The following JAM3 variants were observed in gnomAD, a reference collection of about 807,000 sequenced individuals.
JAM3 encodes junctional adhesion molecule C.
In JAM3, 31 loss-of-function variants were observed where a neutral mutation model predicts 39.4. That is an observed-to-expected ratio of 0.79 (90% confidence interval 0.59 to 1.06). The LOEUF (loss-of-function observed/expected upper bound fraction) is 1.06. Among genes scored for constraint, JAM3 ranks in the 50% least tolerant of loss-of-function variants. The probability of loss-of-function intolerance (pLI) is 0.00; values close to 1 mark genes in which losing one functional copy is unlikely to be tolerated. For synonymous variants in JAM3, 182 were observed against 148.7 expected (o/e 1.22, Z -1.63); for missense variants, 455 against 391.4 (o/e 1.16, Z -1.37).
At chr11:134,091,840 T>G (rs1240950142) in intron 1 of JAM3, among the ~76,000 whole-genome samples, 1 of 149,874 alleles carries the variant, frequency 6.7e-6, no homozygotes, top group Non-Finnish European at 1.5e-5. Flanking sequence ...GTGTGGGTTT[T>G]TTTTTTTTTT....
chr11:134,149,024 G>A (rs1239978644), intron 8 of JAM3, 122 bp from the exon 9 acceptor site: 1 of 1,227,642 alleles, frequency 8.1e-7, no homozygotes, highest in East Asian at 2.3e-5. Context: ...GCAAGCGCTA[G>A]TGATGGTACT....
intron 1 of JAM3, among the ~76,000 whole-genome samples, chr11:134,119,483 A>G (rs1447637699): frequency 6.6e-6 from 1 of 152,312 alleles, no homozygotes; most frequent in South Asian, 2.1e-4. Context: ...TTCTCCAGAG[A>G]AACAGAACTA....
At chr11:134,118,719 C>G (rs1942482441) in intron 1 of JAM3, among the ~76,000 whole-genome samples, 1 of 152,120 alleles carries the variant, frequency 6.6e-6, no homozygotes, top group African/African-American at 2.4e-5. Context: ...GTATATAAGA[C>G]CCAGCCATTC....
intron 1 of JAM3, among the ~76,000 whole-genome samples, chr11:134,104,165 C>T (rs1011248560): frequency 1.9e-4 from 29 of 152,162 alleles, no homozygotes; most frequent in Non-Finnish European, 4.0e-4. Flanking sequence ...TTGTCTCAGA[C>T]CACAGTGCAA....
intron 1 of JAM3, among the ~76,000 whole-genome samples, chr11:134,109,110 C>A (rs948783804): frequency 6.6e-6 from 1 of 152,110 alleles, no homozygotes; most frequent in Non-Finnish European, 1.5e-5. Flanking sequence ...GCACGAGCCA[C>A]CACACCACCC....
chr11:134,102,064 A>G (rs74863305), intron 1 of JAM3, among the ~76,000 whole-genome samples: 4,450 of 152,294 alleles, frequency 0.029, 228 homozygotes, highest in African/African-American at 0.1. Flanking sequence ...TAAAAATTAT[A>G]GTAACCTATT....
At position 134,069,122 on chromosome 11, in the gene JAM3, T is replaced by G; in HGVS notation, c.39T>G (p.Ala13=). 7 of 1,612,748 alleles carry G rather than the reference T, an allele frequency of 4.3e-6. No homozygotes were observed. Among genetic ancestry groups the G allele is most frequent in the Non-Finnish European group, 5.9e-6 (7 of 1,179,406 alleles). The part of the protein sequence containing the change: ...LRRPPRLRLC[A]RLPDFFLLLL... ...GGCCACCGCGACTCCGGCTCTGCGC[T>G]CGGCTGCCTGACTTCTTCCTGCTGC... The change falls in exon 1 of 9, where the codon GCT becomes GCG. Residue 13 remains alanine, a synonymous_variant. Transcript: ENST00000299106.
At chr11:134,117,987 G>A (rs1942469145) in intron 1 of JAM3, among the ~76,000 whole-genome samples, 1 of 152,246 alleles carries the variant, frequency 6.6e-6, no homozygotes, top group East Asian at 1.9e-4. Flanking sequence ...GCATATGAGA[G>A]CACACATTCC....
intron 1 of JAM3, among the ~76,000 whole-genome samples, chr11:134,102,292 C>A (rs930503810): frequency 1.9e-4 from 29 of 152,276 alleles, no homozygotes; most frequent in African/African-American, 6.7e-4. Flanking sequence ...AACAGACTTG[C>A]AGCTGAGGGT....
chr11:134,082,011 T>A (rs929250040), intron 1 of JAM3, among the ~76,000 whole-genome samples: 3 of 152,370 alleles, frequency 2.0e-5, no homozygotes, highest in Admixed American at 2.0e-4. Context: ...TTTGACTGCC[T>A]TGTTGGATTT....
chr11:134,149,129 G>A lies in JAM3; in HGVS notation c.898-17G>A, dbSNP rs1403894736. On this transcript the variant is annotated splice_polypyrimidine_tract_variant and intron_variant, in intron 8 of 8. Coordinates refer to ENST00000299106, the MANE Select transcript of JAM3 (RefSeq NM_032801.5). ...ACCAGGCCCCTTGATGGCTCTAACT[G>A]TGTGTTGGCTTTGCAGGGCGACTTC... 1.9e-6 allele frequency: 3 copies of A among 1,613,992 alleles called. No individual in the cohort carries two copies. The highest frequency in any genetic ancestry group is 1.3e-5 in the African/African-American group (1 of 75,050).
rs912526966 is a variant in JAM3, at chr11:134,074,639, C to G, written c.76+5480C>G. Among the ~76,000 whole-genome samples, 15 of 152,256 alleles carry G rather than the reference C, an allele frequency of 9.9e-5. No individual in the cohort carries two copies. The East Asian group carries it at 2.1e-3, about 22-fold the overall frequency. On this transcript the variant is annotated intron_variant, in intron 1 of 8. Coordinates refer to ENST00000299106, the MANE Select transcript of JAM3 (RefSeq NM_032801.5). ...AGCTGCCGAGATTACCGGCCTCCCC[C>G]CTTCTTTTTGAACACACTGACAAAA...
Position 134,149,190 on chromosome 11 carries a change from G to A in JAM3, c.*9G>A, listed in dbSNP as rs1457250552. On this transcript the variant is annotated 3_prime_UTR_variant, in exon 9 of 9. Transcript: ENST00000299106. ...CATCGTTTGTGATCTGAGACCCGCG[G>A]TGTGGCTGAGAGCGCACAGAGCGCA... 3 of 1,614,014 alleles carry A rather than the reference G, an allele frequency of 1.9e-6. No homozygotes were observed. The highest frequency in any genetic ancestry group is 2.5e-6 in the Non-Finnish European group (3 of 1,179,878).
Position 134,090,225 on chromosome 11 carries a change from A to G in JAM3, c.76+21066A>G, listed in dbSNP as rs377487595. Among the ~76,000 whole-genome samples, 689 of 152,254 alleles carry G rather than the reference A, an allele frequency of 4.5e-3. 1 individual carries two copies. Among genetic ancestry groups the G allele is most frequent in the Middle Eastern group, 0.01 (3 of 294 alleles). On this transcript the variant is annotated intron_variant, in intron 1 of 8. Coordinates refer to ENST00000299106, the MANE Select transcript of JAM3 (RefSeq NM_032801.5). ...TATTAGCCCTTTGTCAGATGAGTAG[A>G]TTGCAAAAATTTTCTCCCATTCTGT...
At chr11:134,120,600 G>T (rs1039602800) in intron 1 of JAM3, among the ~76,000 whole-genome samples, 5 of 152,164 alleles carry the variant, frequency 3.3e-5, no homozygotes, top group African/African-American at 1.2e-4. Context: ...GTCTCCCAGT[G>T]CCCCAGCATT....
chr11:134,145,733 G>A (rs755035435), intron 5 of JAM3, among the ~76,000 whole-genome samples: 24 of 152,302 alleles, frequency 1.6e-4, no homozygotes, highest in Non-Finnish European at 2.4e-4. Flanking sequence ...TTCGGATGTT[G>A]CCAGGCTTTG....
intron 1 of JAM3, among the ~76,000 whole-genome samples, chr11:134,112,150 G>A (rs1942324974): frequency 6.6e-6 from 1 of 152,088 alleles, no homozygotes; most frequent in African/African-American, 2.4e-5. Flanking sequence ...GTGGTTGCAT[G>A]GCCTTGGCTC....
Position 134,149,746 on chromosome 11 carries a change from T to G in JAM3, c.*565T>G. On this transcript the variant is annotated 3_prime_UTR_variant, in exon 9 of 9. Transcript: ENST00000299106. Reference sequence around the variant, plus strand: ...TGTGGAGAAGCTTTTTGGATCAGCATTTTGTAAAAACAACCAAAATCAGGA... The same window carrying G: ...TGTGGAGAAGCTTTTTGGATCAGCAGTTTGTAAAAACAACCAAAATCAGGA... 1 of 439,226 alleles carries G rather than the reference T, an allele frequency of 2.3e-6. No individual in the cohort carries two copies. Among genetic ancestry groups the G allele is most frequent in the Non-Finnish European group, 4.6e-6 (1 of 216,688 alleles). 27.2% of individuals were successfully genotyped at this position (439,226 alleles called of 1,614,324 possible). A position where few individuals can be genotyped will look rare whatever the true frequency, so the allele number is the denominator to read the frequency against.
At chr11:134,146,121 T>A in intron 6 of JAM3, 76 bp downstream of exon 6, 1 of 1,023,314 alleles carries the variant, frequency 9.8e-7, no homozygotes, top group Non-Finnish European at 1.5e-6. Flanking sequence ...TATTATACCA[T>A]CAGCTTAGAG....
Sources: allele counts gnomAD v4.1 joint callset (sites outside exome capture counted in the v4.1 genomes callset), GRCh38; gene constraint gnomAD v4.1.1; transcripts MANE v1.5; gene names NCBI Gene and HGNC (gene_info 2026-07-23, HGNC 2026-07-21).